PDS5B: variants seen among roughly 807,000 people sequenced by gnomAD.
The protein encoded by PDS5B is sister chromatid cohesion protein PDS5 homolog B.
In PDS5B, 51 loss-of-function variants were observed where a neutral mutation model predicts 184.1. The ratio of observed to expected loss-of-function variants is 0.28; its 90% CI spans 0.22 to 0.35. The LOEUF is 0.35. Ranked by LOEUF, PDS5B falls within the 10% of genes least tolerant of loss-of-function variation. The pLI is 1.00. For synonymous variants in PDS5B, 566 were observed against 569.2 expected (o/e 0.99, Z 0.08); for missense variants, 1,180 against 1,723.3 (o/e 0.68, Z 5.58).
rs71194534 is a variant in PDS5B at position 32,750,847 on chromosome 13, CTGTGTGTGTG to C, written c.2737-2453_2737-2444del. 7.2e-3 allele frequency among the ~76,000 whole-genome samples: 1,030 copies of C among 143,520 alleles called. 11 individuals are homozygous for C. Among genetic ancestry groups the C allele is most frequent in the African/African-American group, 0.024 (916 of 38,332 alleles). The allele number at this position is 143,520 out of a possible 152,430, so 94.2% of individuals were successfully genotyped here. A position where few individuals can be genotyped will look rare whatever the true frequency, so the allele number is the denominator to read the frequency against. On this transcript the variant is annotated intron_variant, in intron 24 of 34. Coordinates refer to ENST00000315596, the MANE Select transcript of PDS5B (RefSeq NM_015032.4). ...GTGAGCCACTGCGCCCGGCCTCCCT[CTGTGTGTGTG>C]TGTGTGTGTGTGTGTGTGTGTGTGT...
intron 1 of PDS5B, among the ~76,000 whole-genome samples, chr13:32,613,431 T>G (rs2058171736): frequency 6.6e-6 from 1 of 152,238 alleles, no homozygotes; most frequent in Non-Finnish European, 1.5e-5. Context: ...TTATAGTCAT[T>G]GCAGTGGGTG....
At chr13:32,670,903 A>G (rs1009032346) in intron 7 of PDS5B, among the ~76,000 whole-genome samples, 1 of 152,238 alleles carries the variant, frequency 6.6e-6, no homozygotes, top group Non-Finnish European at 1.5e-5. Flanking sequence ...AAAATTAGCC[A>G]TGTAAATGTA....
At chr13:32,663,867 TTGTTCCCTCTCTG>T in intron 6 of PDS5B, among the ~76,000 whole-genome samples, 1 of 152,284 alleles carries the variant, frequency 6.6e-6, no homozygotes, top group East Asian at 1.9e-4. Context: ...TTTTTGTCTC[TTGTTCCCTCTCTG>T]CCTTCTGATT....
chr13:32,702,175 A>G (rs1225685216), intron 17 of PDS5B, among the ~76,000 whole-genome samples: 2 of 152,120 alleles, frequency 1.3e-5, no homozygotes, highest in African/African-American at 4.8e-5. Flanking sequence ...TTTTCATCTT[A>G]TGCTCAAACC....
At chr13:32,726,632 C>T (rs1386349350) in intron 19 of PDS5B, among the ~76,000 whole-genome samples, 1 of 152,200 alleles carries the variant, frequency 6.6e-6, no homozygotes, top group African/African-American at 2.4e-5. Context: ...TGGTCATCTT[C>T]CTTGTTCTGC....
intron 19 of PDS5B, among the ~76,000 whole-genome samples, chr13:32,723,080 C>T (rs1259766002): frequency 1.3e-5 from 2 of 152,092 alleles, no homozygotes; most frequent in Non-Finnish European, 2.9e-5. Context: ...ATCTAAAATG[C>T]TTATCAGTAT....
chr13:32,690,533 T>C (rs1264338604), intron 13 of PDS5B: 1 of 152,128 alleles, frequency 6.6e-6, no homozygotes, highest in African/African-American at 2.4e-5. Flanking sequence ...GCAGTTAAAA[T>C]GTATAGCTTC....
chr13:32,654,994 T>C (rs989282461), intron 3 of PDS5B, among the ~76,000 whole-genome samples: 2 of 152,164 alleles, frequency 1.3e-5, no homozygotes, highest in African/African-American at 2.4e-5. Context: ...AACATATGCA[T>C]ACATGCGTCT....
chr13:32,775,194 A>T lies in PDS5B; in HGVS notation c.*142A>T. 2.9e-6 allele frequency: 2 copies of T among 684,068 alleles called. No homozygotes were observed. Among genetic ancestry groups the T allele is most frequent in the South Asian group, 3.7e-5 (2 of 54,288 alleles). The allele number at this position is 684,068 out of a possible 1,614,324, so 42.4% of individuals were successfully genotyped here. A position where few individuals can be genotyped will look rare whatever the true frequency, so the allele number is the denominator to read the frequency against. ...TGGACAGTTGGACCTTACTTTGGTG[A>T]CCCCATACATTTGTGGTCACATGCT... is the stretch of plus-strand genomic sequence containing the variant. On this transcript the variant is annotated 3_prime_UTR_variant, in exon 35 of 35. Transcript: ENST00000315596.
chr13:32,718,453 A>G (rs1351226495), intron 19 of PDS5B, among the ~76,000 whole-genome samples: 1 of 152,008 alleles, frequency 6.6e-6, no homozygotes, highest in Non-Finnish European at 1.5e-5. Context: ...CCTGGCCAAA[A>G]AAATCAGTCT....
intron 1 of PDS5B, among the ~76,000 whole-genome samples, chr13:32,614,598 C>T (rs2058192257): frequency 6.6e-6 from 1 of 152,122 alleles, no homozygotes; most frequent in African/African-American, 2.4e-5. Flanking sequence ...GGGCCTGGTC[C>T]ACATTGGATT....
At chr13:32,625,864 G>A (rs1401061786) in intron 1 of PDS5B, among the ~76,000 whole-genome samples, 1 of 147,758 alleles carries the variant, frequency 6.8e-6, no homozygotes, top group Non-Finnish European at 1.5e-5. Context: ...TTGAGACAGG[G>A]TCTCGCTTTG....
intron 17 of PDS5B, among the ~76,000 whole-genome samples, chr13:32,703,067 A>T (rs895582869): frequency 2.0e-5 from 3 of 152,184 alleles, no homozygotes; most frequent in African/African-American, 7.2e-5. Flanking sequence ...GGAGAATAGT[A>T]GTACCTTGAA....
chr13:32,596,765 A>G (rs896742244), intron 1 of PDS5B, among the ~76,000 whole-genome samples: 2 of 152,016 alleles, frequency 1.3e-5, no homozygotes, highest in Non-Finnish European at 2.9e-5. Context: ...ACCTTTTTGC[A>G]TGGTTGTTGA....
chr13:32,640,095 A>G lies in PDS5B; in HGVS notation c.-19-8659A>G, dbSNP rs1007286558. ...TTACTACAGTCTCTTGTTTAGTTAC[A>G]TCTATGAACATTTATTTATGTCTGA... On this transcript the variant is annotated intron_variant, in intron 1 of 34. Coordinates refer to ENST00000315596, the MANE Select transcript of PDS5B (RefSeq NM_015032.4). 9.8e-5 allele frequency among the ~76,000 whole-genome samples: 15 copies of G among 152,322 alleles called. No individual in the cohort carries two copies. The East Asian group carries it at 2.9e-3, about 29-fold the overall frequency.
intron 1 of PDS5B, among the ~76,000 whole-genome samples, chr13:32,633,938 CATTG>C (rs1284832263): frequency 1.9e-4 from 29 of 152,278 alleles, no homozygotes; most frequent in Admixed American, 5.2e-4. Flanking sequence ...TAAAGAGCTA[CATTG>C]TAATGTTATG....
intron 30 of PDS5B, 49 bp downstream of exon 30, chr13:32,760,769 G>A: frequency 6.5e-7 from 1 of 1,536,652 alleles, no homozygotes; most frequent in Admixed American, 1.8e-5. Flanking sequence ...TTCCAGCAAG[G>A]CTATGAGATC....
chr13:32,667,114 T>C (rs1178587453), intron 6 of PDS5B, among the ~76,000 whole-genome samples: 1 of 152,164 alleles, frequency 6.6e-6, no homozygotes, highest in Non-Finnish European at 1.5e-5. Flanking sequence ...ACAGTGTTCC[T>C]GTTCTCTGGA....
intron 19 of PDS5B, among the ~76,000 whole-genome samples, chr13:32,718,278 G>A: frequency 6.6e-6 from 1 of 151,986 alleles, no homozygotes; most frequent in Non-Finnish European, 1.5e-5. Context: ...AGCCTCCCGA[G>A]TAGCTGGGAC....
Sources: gnomAD v4.1 joint callset for allele counts (sites outside exome capture counted in the v4.1 genomes callset) on GRCh38, gnomAD v4.1.1 for gene constraint, MANE v1.5 for transcripts, NCBI Gene and HGNC (gene_info 2026-07-23, HGNC 2026-07-21) for gene names.